SLC9A1: variants seen among roughly 807,000 people sequenced by gnomAD.
The protein encoded by SLC9A1 is solute carrier family 9 member A1, also known as sodium/hydrogen exchanger 1.
A neutral mutation model predicts 67.9 loss-of-function variants in SLC9A1; 22 were observed. That is an observed-to-expected ratio of 0.32 (90% CI 0.23 to 0.46). The LOEUF is 0.46. SLC9A1 is among the 20% of genes least tolerant of loss of function. The pLI, the probability that SLC9A1 is intolerant of heterozygous loss-of-function variation, is 1.00. For synonymous variants in SLC9A1, 421 were observed against 471.8 expected (o/e 0.89, Z 1.40); for missense variants, 686 against 1,094.8 (o/e 0.63, Z 5.27).
rs976576212 is a variant in SLC9A1 at position 27,119,807 on chromosome 1, C to T, written c.353-5521G>A. ...TTATTCTTACTTTGTTTCTAAGGGG[C>T]GTGTGAGCCTAGGACTAAAGAGGCC... On this transcript the variant is annotated intron_variant, in intron 1 of 11. Transcript: ENST00000263980. 3.3e-5 allele frequency among the ~76,000 whole-genome samples: 5 copies of T among 152,176 alleles called. No individual in the cohort carries two copies. In the South Asian group the frequency reaches 6.2e-4, roughly 19 times the overall value.
At chr1:27,129,221 T>C (rs2124182127) in intron 1 of SLC9A1, among the ~76,000 whole-genome samples, 1 of 152,282 alleles carries the variant, frequency 6.6e-6, no homozygotes, top group South Asian at 2.1e-4. Flanking sequence ...CTGGATCCTC[T>C]ATCTCAAGGG....
intron 1 of SLC9A1, among the ~76,000 whole-genome samples, chr1:27,147,752 T>C (rs1013122628): frequency 6.6e-6 from 1 of 152,180 alleles, no homozygotes; most frequent in Non-Finnish European, 1.5e-5. Context: ...TCCAGCACTT[T>C]GGGAGGCCAA....
intron 5 of SLC9A1, among the ~76,000 whole-genome samples, chr1:27,104,995 C>T (rs2083174241): frequency 6.6e-6 from 1 of 152,178 alleles, no homozygotes; most frequent in South Asian, 2.1e-4. Flanking sequence ...CACTGAGCAG[C>T]AGGCTGGAAG....
rs752840548 is a variant in SLC9A1, at chr1:27,106,047, G to C, written c.1323C>G (p.Ile441Met). Residue 441 changes from isoleucine (I) to methionine (M), a missense_variant, in exon 5 of 12, where the codon ATC becomes ATG. Around this residue, in one of 7 missense-constraint regions of SLC9A1, gnomAD observed 168 missense variants for 375.4 expected, o/e 0.45. Transcript: ENST00000263980. This position sits in a 1 kb window ranked among gnomAD's most constrained non-coding sequence, Gnocchi z 4.3. ...ACTGGTCCTTGGGGGTCAGCTTCAC[G>C]ATACGGAACTTGTTGATGAACCAGG... ...GLTWFINKFR[I>M]VKLTPKDQFI... is the part of the protein sequence containing the mutation. 8 of 1,613,424 alleles carry C rather than the reference G, an allele frequency of 5.0e-6. No individual in the cohort carries two copies. Among genetic ancestry groups the C allele is most frequent in the Middle Eastern group, 1.6e-4 (1 of 6,076 alleles).
At chr1:27,115,390 T>TG (rs2083257764) in intron 1 of SLC9A1, among the ~76,000 whole-genome samples, 1 of 151,282 alleles carries the variant, frequency 6.6e-6, no homozygotes, top group Non-Finnish European at 1.5e-5. Flanking sequence ...CTCCTGTGAG[T>TG]GGTTTACTTG....
intron 1 of SLC9A1, among the ~76,000 whole-genome samples, chr1:27,147,891 G>C (rs1192628364): frequency 1.3e-5 from 2 of 152,004 alleles, no homozygotes; most frequent in Non-Finnish European, 2.9e-5. Flanking sequence ...CTACTCAGGA[G>C]GCTGAGGCAG....
At chr1:27,108,186 CT>C (rs1258417001) in intron 3 of SLC9A1, among the ~76,000 whole-genome samples, 1 of 151,632 alleles carries the variant, frequency 6.6e-6, no homozygotes, top group East Asian at 1.9e-4. Flanking sequence ...CTGCCTCAGC[CT>C]CCCGAGTGGC....
In SLC9A1 at chr1:27,109,876, T is replaced by C. The variant is rs745892764; in HGVS notation, c.814-99A>G. On this transcript the variant is annotated intron_variant, in intron 2 of 11. Transcript: ENST00000263980. This position sits in a 1 kb window ranked among gnomAD's most constrained non-coding sequence, Gnocchi z 5.5. Reference sequence around the variant, plus strand: ...GCAATCCTGTCCCCTCCGTTAACCATGGCCACAAGAAGAGGCCACACGGTA... The same window carrying C: ...GCAATCCTGTCCCCTCCGTTAACCACGGCCACAAGAAGAGGCCACACGGTA... 7.2e-6 allele frequency: 10 copies of C among 1,396,924 alleles called. No homozygotes were observed. The highest frequency in any genetic ancestry group is 1.9e-5 in the Admixed American group (1 of 52,006). 86.5% of individuals were successfully genotyped at this position (1,396,924 alleles called of 1,614,324 possible).
chr1:27,132,310 G>T (rs964322905), intron 1 of SLC9A1, among the ~76,000 whole-genome samples: 3 of 152,068 alleles, frequency 2.0e-5, no homozygotes, highest in African/African-American at 7.2e-5. Context: ...GGAGAGGAAA[G>T]AACACTGTCC....
chr1:27,126,821 T>G (rs1305018674), intron 1 of SLC9A1, among the ~76,000 whole-genome samples: 1 of 152,184 alleles, frequency 6.6e-6, no homozygotes, highest in Non-Finnish European at 1.5e-5. Flanking sequence ...ATTTTTGGGT[T>G]TAACTTAATC....
At chr1:27,153,223 C>G (rs2083541908) in intron 1 of SLC9A1, among the ~76,000 whole-genome samples, 1 of 152,096 alleles carries the variant, frequency 6.6e-6, no homozygotes, top group African/African-American at 2.4e-5. Context: ...GAGACACAGC[C>G]AGGCAGCGAC....
Position 27,109,464 on chromosome 1 carries a change from A to T in SLC9A1, c.1064+63T>A. The T allele has an allele frequency of 6.6e-7, 1 of 1,522,864 alleles. No individual in the cohort carries two copies. Among genetic ancestry groups the T allele is most frequent in the Middle Eastern group, 2.1e-4 (1 of 4,804 alleles). The allele number at this position is 1,522,864 out of a possible 1,614,324, so 94.3% of individuals were successfully genotyped here. ...CTCCGTGAACCTACGAGCCTGGGGA[A>T]TCCAAGCTGGCAGCCCCCGCCCCCA... On this transcript the variant is annotated intron_variant, in intron 3 of 11. Coordinates refer to ENST00000263980, the MANE Select transcript of SLC9A1 (RefSeq NM_003047.5). The surrounding 1 kb of genome is among the most constrained non-coding windows in gnomAD (Gnocchi z 5.5).
Position 27,103,287 on chromosome 1 carries a change from TCTA to T in SLC9A1, c.1508_1510del (p.Val503del). The T allele has an allele frequency of 6.2e-7, 1 of 1,613,880 alleles. No individual in the cohort carries two copies. Reference sequence around the variant, plus strand: ...TTGCTTTTTCTTCACAGCCAACAGGTCTACCAGGGGCCGAATGGTCATGCCCTG... The same window carrying T: ...TTGCTTTTTCTTCACAGCCAACAGGTCCAGGGGCCGAATGGTCATGCCCTG... On this transcript the variant is annotated inframe_deletion, in exon 6 of 12. Coordinates refer to ENST00000263980, the MANE Select transcript of SLC9A1 (RefSeq NM_003047.5).
rs1324438831 is a variant in SLC9A1 at position 27,137,502 on chromosome 1, A to T, written c.352+16481T>A. ...AACCTCCACACCTTTGCACATGGGG[A>T]CCACAAAGTTGCAAGTGGGGGAGGG... On this transcript the variant is annotated intron_variant, in intron 1 of 11. Coordinates refer to ENST00000263980, the MANE Select transcript of SLC9A1 (RefSeq NM_003047.5). This position sits in a 1 kb window ranked among gnomAD's most constrained non-coding sequence, Gnocchi z 4.6. 6.6e-6 allele frequency among the ~76,000 whole-genome samples: 1 copy of T among 152,122 alleles called. No homozygotes were observed. The highest frequency in any genetic ancestry group is 1.5e-5 in the Non-Finnish European group (1 of 68,006).
intron 4 of SLC9A1, 104 bp downstream of exon 4, chr1:27,107,544 C>A: frequency 1.2e-6 from 1 of 851,164 alleles, no homozygotes; most frequent in South Asian, 1.6e-5. Flanking sequence ...CCTGGCCCTT[C>A]CACATAGTGC....
At chr1:27,151,793 G>C (rs2083530346) in intron 1 of SLC9A1, among the ~76,000 whole-genome samples, 1 of 152,142 alleles carries the variant, frequency 6.6e-6, no homozygotes, top group Non-Finnish European at 1.5e-5. Flanking sequence ...CCTGAACAGG[G>C]ACTCTTCAGA....
In SLC9A1 at chr1:27,114,290, C is replaced by A. The variant is rs769523700; in HGVS notation, c.353-4G>T. 4 of 1,602,158 alleles carry A rather than the reference C, an allele frequency of 2.5e-6. No homozygotes were observed. Among genetic ancestry groups the A allele is most frequent in the Non-Finnish European group, 3.4e-6 (4 of 1,170,990 alleles). ...ATAGTGGGGATCACATGGAAACCTG[C>A]GGAGGGCGAGAGAACGGGAGGCCAT... On this transcript the variant is annotated splice_polypyrimidine_tract_variant and splice_region_variant and intron_variant, in intron 1 of 11. Coordinates refer to ENST00000263980, the MANE Select transcript of SLC9A1 (RefSeq NM_003047.5). The surrounding 1 kb of genome is among the most constrained non-coding windows in gnomAD (Gnocchi z 5.4).
intron 6 of SLC9A1, 71 bp downstream of exon 6, chr1:27,103,152 T>C: frequency 8.6e-7 from 1 of 1,160,190 alleles, no homozygotes; most frequent in Non-Finnish European, 1.3e-6. Flanking sequence ...GGGCAGAGAC[T>C]TGAGGCCCAG....
intron 1 of SLC9A1, among the ~76,000 whole-genome samples, chr1:27,136,934 A>G (rs1215410103): frequency 6.6e-6 from 1 of 152,090 alleles, no homozygotes; most frequent in Non-Finnish European, 1.5e-5. Context: ...GAAAGAGCCC[A>G]CACTTCTCTG....
Sources: allele counts gnomAD v4.1 joint callset (sites outside exome capture counted in the v4.1 genomes callset), GRCh38; gene constraint gnomAD v4.1.1; regional missense constraint gnomAD v4.1.1; non-coding constraint Gnocchi (gnomAD v3.1); transcripts MANE v1.5; gene names NCBI Gene and HGNC (gene_info 2026-07-23, HGNC 2026-07-21).